IL17RC: variants seen among roughly 807,000 people sequenced by gnomAD.
IL17RC encodes the protein interleukin-17 receptor C.
IL17RC carries 53 observed loss-of-function variants against 86.7 expected under a neutral mutation model. The ratio of observed to expected loss-of-function variants is 0.61; its 90% CI spans 0.49 to 0.77. The LOEUF (loss-of-function observed/expected upper bound fraction) is 0.77, where lower values mean the gene tolerates loss of function less well. IL17RC is among the 30% of genes least tolerant of loss of function. The pLI, the probability that IL17RC is intolerant of heterozygous loss-of-function variation, is 0.00. For synonymous variants in IL17RC, 439 were observed against 413.1 expected, an observed-to-expected ratio of 1.06 and a Z score of -0.76; for missense variants, 957 against 940.0, an observed-to-expected ratio of 1.02 and a Z score of -0.24.
At position 9,918,589 on chromosome 3, in the gene IL17RC, G is replaced by C. The variant is rs112627391; in HGVS notation, c.445G>C (p.Val149Leu). Residue 149 changes from valine (V) to leucine (L), a missense_variant, in exon 5 of 19, where the codon GTG becomes CTG. By Grantham distance (32) the Val-to-Leu change is conservative. Coordinates refer to ENST00000403601, the MANE Select transcript of IL17RC (RefSeq NM_153460.4). ...GGAGGTGCAAGTGCCTGCTGCCCTTGTGCAGTTTGGTCAGTCTGTGGTATG... is the reference window on the plus strand; with the variant it reads ...GGAGGTGCAAGTGCCTGCTGCCCTTCTGCAGTTTGGTCAGTCTGTGGTATG... ...LLEVQVPAAL[V>L]QFGQSVGSVV... The C allele has an allele frequency of 3.0e-4, 481 of 1,613,614 alleles. 7 individuals carry two copies. The Middle Eastern group carries it at 0.014, about 45-fold the overall frequency.
Position 9,930,070 on chromosome 3 carries a change from C to T in IL17RC, c.1199C>T (p.Thr400Ile). The T allele has an allele frequency of 6.2e-7, 1 of 1,614,122 alleles. No homozygotes were observed. Among genetic ancestry groups the T allele is most frequent in the Non-Finnish European group, 8.5e-7 (1 of 1,180,008 alleles). Residue 400 changes from threonine to isoleucine, a missense_variant, in exon 14 of 19, where the codon ACA (threonine) becomes ATA (isoleucine). Thr to Ile is a moderately conservative substitution (Grantham distance 89, BLOSUM62 -1). Coordinates refer to ENST00000403601, the MANE Select transcript of IL17RC (RefSeq NM_153460.4). The surrounding 1 kb of genome is among the most constrained non-coding windows in gnomAD (Gnocchi z 5.8). ...PLKDDVLLLE[T>I]RGPQDNRSLC... Reference sequence around the variant, plus strand: ...AAAGACGATGTGCTACTGTTGGAGACACGAGGCCCCCAGGACAACAGATCC... The same window carrying T: ...AAAGACGATGTGCTACTGTTGGAGATACGAGGCCCCCAGGACAACAGATCC...
rs779630948 is a variant in IL17RC at position 9,933,509 on chromosome 3, T to G, written c.2079T>G (p.Asp693Glu). Reference protein sequence around the residue: ...QVSRALQPALDSYFHPPGTPA... With the variant: ...QVSRALQPALESYFHPPGTPA... The stretch of plus-strand genomic sequence containing the variant: ...CCCGGGCCCTTCAGCCAGCCCTGGA[T>G]AGCTACTTCCATCCCCCGGGGACTC... Residue 693 changes from aspartate (D) to glutamate (E), a missense_variant, in exon 19 of 19, where the codon GAT (aspartate) becomes GAG (glutamate). Asp to Glu is a conservative substitution (Grantham distance 45). Transcript: ENST00000403601. The G allele has an allele frequency of 1.2e-6, 2 of 1,610,636 alleles. No individual in the cohort carries two copies. The highest frequency in any genetic ancestry group is 2.7e-5 in the African/African-American group (2 of 74,900).
chr3:9,933,572 T>C lies in IL17RC; in HGVS notation c.2142T>C (p.Pro714=), dbSNP rs1361831675. The C allele has an allele frequency of 6.2e-7, 1 of 1,600,624 alleles. No individual in the cohort carries two copies. The highest frequency in any genetic ancestry group is 1.7e-5 in the Admixed American group (1 of 58,834). ...GCGGGGTGGGACCAGGCGCGGGACC[T>C]GGGGCGGGGGACGGGACTTAAATAA... is the stretch of plus-strand genomic sequence containing the variant. ...PGRGVGPGAG[P]GAGDGT is the part of the protein sequence containing the mutation. Residue 714 remains proline (P), a synonymous_variant, in exon 19 of 19, where the codon CCT becomes CCC. Coordinates refer to ENST00000403601, the MANE Select transcript of IL17RC (RefSeq NM_153460.4).
At chr3:9,919,526 G>C (rs977443443) in intron 5 of IL17RC, among the ~76,000 whole-genome samples, 1 of 151,940 alleles carries the variant, frequency 6.6e-6, no homozygotes, top group African/African-American at 2.4e-5. Context: ...GGCGCCTGTA[G>C]ACCCAGCTAC....
intron 5 of IL17RC, among the ~76,000 whole-genome samples, 167 bp downstream of exon 5, chr3:9,918,776 G>A (rs2083311593): frequency 6.6e-6 from 1 of 152,198 alleles, no homozygotes; most frequent in African/African-American, 2.4e-5. Context: ...TCTCACAACA[G>A]CCATGTGAGG....
At chr3:9,924,452 C>T (rs2125205504) in intron 9 of IL17RC, among the ~76,000 whole-genome samples, 161 bp downstream of exon 9, 1 of 152,276 alleles carries the variant, frequency 6.6e-6, no homozygotes, top group Non-Finnish European at 1.5e-5. Context: ...CTGTCCTATG[C>T]CTTCTGTCTA....
chr3:9,917,129 G>A lies in IL17RC; in HGVS notation c.-187G>A. 1.7e-6 allele frequency: 1 copy of A among 593,314 alleles called. No homozygotes were observed. The highest frequency in any genetic ancestry group is 3.0e-6 in the Non-Finnish European group (1 of 334,182). The allele number at this position is 593,314 out of a possible 1,614,324, so 36.8% of individuals were successfully genotyped here. A position where few individuals can be genotyped will look rare whatever the true frequency, so the allele number is the denominator to read the frequency against. The stretch of plus-strand genomic sequence containing the variant: ...AAAGCACTCCGTGCTGGAAGTAGGA[G>A]GAGAGTCAGGACTCCCAGGACAGAG... On this transcript the variant is annotated 5_prime_UTR_variant, in exon 1 of 19. Coordinates refer to ENST00000403601, the MANE Select transcript of IL17RC (RefSeq NM_153460.4).
chr3:9,923,198 AAAAG>A (rs1319132289), intron 7 of IL17RC, among the ~76,000 whole-genome samples: 1 of 150,016 alleles, frequency 6.7e-6, no homozygotes, highest in Non-Finnish European at 1.5e-5. Context: ...AAGGAAAAAA[AAAAG>A]AGAGAGAAAC....
rs747284516 is a variant in IL17RC at position 9,918,550 on chromosome 3, C to T, written c.406C>T (p.Arg136Cys). ...VLSFQAYPTA[R>C]CVLLEVQVPA... ...CTCCTTCCAGGCCTACCCTACTGCCCGCTGCGTCCTGCTGGAGGTGCAAGT... is the reference window on the plus strand; with the variant it reads ...CTCCTTCCAGGCCTACCCTACTGCCTGCTGCGTCCTGCTGGAGGTGCAAGT... The change falls in exon 5 of 19, where the codon CGC (arginine) becomes TGC (cysteine). Residue 136 changes from arginine (R) to cysteine (C), a missense_variant. Coordinates refer to ENST00000403601, the MANE Select transcript of IL17RC (RefSeq NM_153460.4). The T allele has an allele frequency of 3.8e-5, 61 of 1,614,098 alleles. No individual in the cohort carries two copies. Among genetic ancestry groups the T allele is most frequent in the Middle Eastern group, 1.6e-4 (1 of 6,084 alleles).
In IL17RC at chr3:9,933,133, G is replaced by T. The variant is rs760816923; in HGVS notation, c.1703G>T (p.Arg568Leu). ...GPVAWFHAQR[R>L]QTLQEGGVVV... ...GTGGCTTGGTTTCACGCGCAGCGGC[G>T]CCAGACCCTGCAGGAGGGCGGCGTG... Residue 568 changes from arginine to leucine, a missense_variant, in exon 19 of 19, where the codon CGC becomes CTC. Transcript: ENST00000403601. 1.1e-4 allele frequency: 183 copies of T among 1,594,164 alleles called. No homozygotes were observed. The highest frequency in any genetic ancestry group is 1.5e-4 in the Non-Finnish European group (178 of 1,173,790).
In IL17RC at chr3:9,928,197, C is replaced by T. The variant is rs117441424; in HGVS notation, c.854C>T (p.Thr285Met). The T allele has an allele frequency of 2.9e-4, 466 of 1,614,142 alleles. 1 individual carries two copies. Among genetic ancestry groups the T allele is most frequent in the South Asian group, 9.7e-4 (88 of 91,090 alleles). ...VWPLEPDSVR[T>M]NICPFREDPR... ...CCTCTGGAACCTGACTCCGTTAGGA[C>T]GAACATCTGCCCCTTCAGGGAGGGT... Residue 285 changes from threonine (T) to methionine (M), a missense_variant, in exon 10 of 19, where the codon ACG (threonine) becomes ATG (methionine). Physicochemically the swap from Thr to Met is moderately conservative, Grantham distance 81. Coordinates refer to ENST00000403601, the MANE Select transcript of IL17RC (RefSeq NM_153460.4).
At chr3:9,923,751 A>G in intron 7 of IL17RC, 130 bp from the exon 8 acceptor site, 1 of 1,011,490 alleles carries the variant, frequency 9.9e-7, no homozygotes, top group East Asian at 2.4e-5. Flanking sequence ...CTGGTCTGAA[A>G]TGATGACACA....
At position 9,930,359 on chromosome 3, in the gene IL17RC, C is replaced by T; in HGVS notation, c.1279-41C>T. ...CCTGGTAGGTGCTGCCCTAAGGGTG[C>T]TACCTCCAGGTAACAGTGCCCCCAT... On this transcript the variant is annotated intron_variant, in intron 14 of 18. Transcript: ENST00000403601. The surrounding 1 kb of genome is among the most constrained non-coding windows in gnomAD (Gnocchi z 5.8). 6.2e-7 allele frequency: 1 copy of T among 1,606,578 alleles called. No individual in the cohort carries two copies. Among genetic ancestry groups the T allele is most frequent in the Non-Finnish European group, 8.5e-7 (1 of 1,173,458 alleles).
At chr3:9,920,795 C>A in intron 6 of IL17RC, 130 bp from the exon 7 acceptor site, 1 of 801,612 alleles carries the variant, frequency 1.2e-6, no homozygotes, top group Non-Finnish European at 2.0e-6. Context: ...GTTCTTTGAG[C>A]ATTGGATAGA....
Position 9,917,290 on chromosome 3 carries a change from C to A in IL17RC, c.-26C>A. On this transcript the variant is annotated 5_prime_UTR_variant, in exon 1 of 19. Coordinates refer to ENST00000403601, the MANE Select transcript of IL17RC (RefSeq NM_153460.4). The stretch of plus-strand genomic sequence containing the variant: ...GGGGGGGGCAGCACAGGGCCTCAGG[C>A]CTGGGTGCCACCTGGCACCTAGAAG... The A allele has an allele frequency of 6.3e-7, 1 of 1,596,800 alleles. No homozygotes were observed. Among genetic ancestry groups the A allele is most frequent in the Non-Finnish European group, 8.6e-7 (1 of 1,168,398 alleles).
rs1256063434 is a variant in IL17RC, at chr3:9,918,376, G to T, written c.322G>T (p.Ala108Ser). 2 of 1,607,338 alleles carry T rather than the reference G, an allele frequency of 1.2e-6. No individual in the cohort carries two copies. Among genetic ancestry groups the T allele is most frequent in the Non-Finnish European group, 1.7e-6 (2 of 1,176,888 alleles). The change falls in exon 4 of 19, where the codon GCA becomes TCA. Residue 108 changes from alanine to serine, a missense_variant. Physicochemically the swap from Ala to Ser is moderately conservative, Grantham distance 99. Coordinates refer to ENST00000403601, the MANE Select transcript of IL17RC (RefSeq NM_153460.4). ...TGAAGATGAGGAAAAGTTTGGAGGA[G>T]CAGCTGACTCAGGGGTGGAGGAGCC... ...EPEDEEKFGG[A>S]ADSGVEEPRN...
At chr3:9,926,035 T>G (rs1261970714) in intron 9 of IL17RC, among the ~76,000 whole-genome samples, 21 of 141,088 alleles carry the variant, frequency 1.5e-4, no homozygotes, top group African/African-American at 5.5e-4. Flanking sequence ...TGTTTCCTTT[T>G]TTTTTTTTTT....
At chr3:9,929,940 G>A (rs1334756326) in intron 13 of IL17RC, 43 bp downstream of exon 13, 12 of 1,613,654 alleles carry the variant, frequency 7.4e-6, no homozygotes, top group Non-Finnish European at 9.3e-6. Context: ...CCACCTCCTA[G>A]GGGTGAAGGT....
intron 16 of IL17RC, among the ~76,000 whole-genome samples, chr3:9,931,470 C>CATATATATATATATATATATAT (rs1553593529): frequency 6.9e-5 from 3 of 43,726 alleles, no homozygotes; most frequent in Admixed American, 2.9e-4. Context: ...CACACACACA[C>CATATATATATATATATATATAT]ATATATATAT....
Sources: allele counts gnomAD v4.1 joint callset (sites outside exome capture counted in the v4.1 genomes callset), GRCh38; gene constraint gnomAD v4.1.1; non-coding constraint Gnocchi (gnomAD v3.1); transcripts MANE v1.5; gene names NCBI Gene and HGNC (gene_info 2026-07-23, HGNC 2026-07-21).